The following GBF1 variants were observed in gnomAD, a reference collection of about 807,000 sequenced individuals.
GBF1 encodes golgi brefeldin A resistant guanine nucleotide exchange factor 1.
In GBF1, 114 loss-of-function variants were observed where a neutral mutation model predicts 210.5. That is an observed-to-expected ratio of 0.54 (90% CI 0.47 to 0.63). The LOEUF is 0.63. Among genes scored for constraint, GBF1 ranks in the 30% least tolerant of loss-of-function variants. GBF1 has a pLI of 0.00. For synonymous variants in GBF1, 850 were observed against 889.2 expected, an observed-to-expected ratio of 0.96 and a Z score of 0.78; for missense variants, 1,851 against 2,357.7, an observed-to-expected ratio of 0.79 and a Z score of 4.45.
intron 3 of GBF1, among the ~76,000 whole-genome samples, chr10:102,302,038 A>C (rs190041783): frequency 6.6e-6 from 1 of 152,214 alleles, no homozygotes; most frequent in East Asian, 1.9e-4. Flanking sequence ...CGAGGCTGGC[A>C]GATCACTCGC....
intron 29 of GBF1, among the ~76,000 whole-genome samples, chr10:102,374,788 C>T (rs974713128): frequency 2.0e-5 from 3 of 151,974 alleles, no homozygotes; most frequent in African/African-American, 7.3e-5. Context: ...ATAATGTTAC[C>T]ATTGGGATAA....
intron 12 of GBF1, 42 bp from the exon 13 acceptor site, chr10:102,360,974 CAAAAAA>C: frequency 1.2e-5 from 8 of 694,964 alleles, no homozygotes; most frequent in South Asian, 1.6e-5. Context: ...AACTCCGCCT[CAAAAAA>C]AAAAAAAAAA....
intron 3 of GBF1, among the ~76,000 whole-genome samples, chr10:102,321,692 C>T (rs1201513445): frequency 6.6e-6 from 1 of 152,144 alleles, no homozygotes; most frequent in Non-Finnish European, 1.5e-5. Context: ...GTCTCAGCCT[C>T]CCGAGTAGCT....
intron 3 of GBF1, among the ~76,000 whole-genome samples, chr10:102,333,458 C>G (rs2057481965): frequency 6.6e-6 from 1 of 151,872 alleles, no homozygotes; most frequent in Non-Finnish European, 1.5e-5. Context: ...TTCTTTGGAC[C>G]ACTACCCCTC....
chr10:102,353,944 A>G (rs545773189), intron 8 of GBF1, among the ~76,000 whole-genome samples: 2 of 152,294 alleles, frequency 1.3e-5, no homozygotes, highest in Admixed American at 6.5e-5. Context: ...TCTGTTGACA[A>G]AGATGAAAGT....
At chr10:102,282,904 A>G (rs905916333) in intron 3 of GBF1, among the ~76,000 whole-genome samples, 5 of 152,264 alleles carry the variant, frequency 3.3e-5, no homozygotes, top group African/African-American at 7.2e-5. Flanking sequence ...TAAAAATTCA[A>G]TAAGACATGG....
chr10:102,316,529 A>C (rs1242221408), intron 3 of GBF1, among the ~76,000 whole-genome samples: 2 of 152,160 alleles, frequency 1.3e-5, no homozygotes, highest in Non-Finnish European at 2.9e-5. Flanking sequence ...GTGTCTTTTT[A>C]ACAAGCATTA....
At position 102,367,461 on chromosome 10, in the gene GBF1, T is replaced by TA. The variant is rs1464335063; in HGVS notation, c.2560-16dup. 1 of 1,558,554 alleles carries TA rather than the reference T, an allele frequency of 6.4e-7. No individual in the cohort carries two copies. On this transcript the variant is annotated splice_polypyrimidine_tract_variant and intron_variant, in intron 20 of 39. Coordinates refer to ENST00000369983, the MANE Select transcript of GBF1 (RefSeq NM_001377137.1). ...AGTGTTGACACAAGGGGAAAAAACTTACTGGCCTGTCTCTAGGAGTTTCGC... is the reference window on the plus strand; with the variant it reads ...AGTGTTGACACAAGGGGAAAAAACTTAACTGGCCTGTCTCTAGGAGTTTCGC...
chr10:102,245,763 A>G lies in GBF1; in HGVS notation c.-29A>G, dbSNP rs1211068037. ...GCCGGTCCTGGGACTAGGCCCCGCC[A>G]TTTTGGATCCGCTGACAGGTCAGCG... On this transcript the variant is annotated 5_prime_UTR_variant, in exon 1 of 40. Coordinates refer to ENST00000369983, the MANE Select transcript of GBF1 (RefSeq NM_001377137.1). 1 of 152,130 alleles carries G rather than the reference A, an allele frequency of 6.6e-6. No homozygotes were observed. The highest frequency in any genetic ancestry group is 1.5e-5 in the Non-Finnish European group (1 of 68,028). The allele number at this position is 152,130 out of a possible 1,614,324, so 9.4% of individuals were successfully genotyped here. A position where few individuals can be genotyped will look rare whatever the true frequency, so the allele number is the denominator to read the frequency against.
intron 18 of GBF1, 58 bp downstream of exon 18, chr10:102,365,657 TC>T: frequency 6.9e-7 from 1 of 1,442,240 alleles, no homozygotes; most frequent in Non-Finnish European, 9.8e-7. Flanking sequence ...ATGCCTGTAA[TC>T]CTGACACTTT....
At chr10:102,354,257 C>T (rs548649277) in intron 8 of GBF1, among the ~76,000 whole-genome samples, 5 of 152,292 alleles carry the variant, frequency 3.3e-5, no homozygotes, top group East Asian at 3.9e-4. Flanking sequence ...GTGATGCATG[C>T]ACCTGACCTT....
chr10:102,240,884 C>T (rs767728188), upstream of GBF1, among the ~76,000 whole-genome samples: 40 of 152,338 alleles, frequency 2.6e-4, no homozygotes, highest in Non-Finnish European at 4.7e-4. Context: ...GCTCCCAGCC[C>T]CAGGAGTCTG....
Position 102,327,666 on chromosome 10 carries a change from A to G in GBF1, c.164-16385A>G, listed in dbSNP as rs147262757. Among the ~76,000 whole-genome samples, 101 of 152,318 alleles carry G rather than the reference A, an allele frequency of 6.6e-4. 2 individuals carry two copies. The highest frequency in any genetic ancestry group is 1.8e-4 in the Non-Finnish European group (12 of 68,024). ...AATGCCATGTAATGGAATACCCATT[A>G]TTTGTAAGTTGATTGAGCATAAAGT... On this transcript the variant is annotated intron_variant, in intron 3 of 39. Transcript: ENST00000369983.
intron 3 of GBF1, among the ~76,000 whole-genome samples, chr10:102,338,516 T>G (rs976825259): frequency 1.3e-5 from 2 of 151,930 alleles, no homozygotes; most frequent in African/African-American, 4.8e-5. Context: ...AGTGCTGGGA[T>G]TAGAGGTGTG....
intron 3 of GBF1, among the ~76,000 whole-genome samples, chr10:102,277,753 T>C (rs1285555537): frequency 6.6e-6 from 1 of 152,242 alleles, no homozygotes; most frequent in African/African-American, 2.4e-5. Context: ...CTAATTTAAG[T>C]ATAGTTATCA....
chr10:102,309,564 A>G (rs2078227090), intron 3 of GBF1, among the ~76,000 whole-genome samples: 1 of 152,120 alleles, frequency 6.6e-6, no homozygotes, highest in African/African-American at 2.4e-5. Flanking sequence ...GCTTTGCTTC[A>G]CTGTTCTCAT....
intron 1 of GBF1, among the ~76,000 whole-genome samples, chr10:102,247,419 C>T (rs1163821644): frequency 6.6e-6 from 1 of 152,142 alleles, no homozygotes; most frequent in African/African-American, 2.4e-5. Context: ...TCCCCGCCCC[C>T]AAGAAAGTAG....
chr10:102,331,851 ATTTT>A (rs869198412), intron 3 of GBF1, among the ~76,000 whole-genome samples: 2 of 85,320 alleles, frequency 2.3e-5, no homozygotes, highest in Non-Finnish European at 4.3e-5. Flanking sequence ...TACCTGGCTA[ATTTT>A]TTTTTTTTTT....
chr10:102,380,062 A>C, intron 36 of GBF1, 108 bp downstream of exon 36: 1 of 790,046 alleles, frequency 1.3e-6, no homozygotes, highest in Non-Finnish European at 2.2e-6. Flanking sequence ...GGTGCTCACA[A>C]CCCCCCAGCT....
Sources: allele counts gnomAD v4.1 joint callset (sites outside exome capture counted in the v4.1 genomes callset), GRCh38; gene constraint gnomAD v4.1.1; transcripts MANE v1.5; gene names NCBI Gene and HGNC (gene_info 2026-07-23, HGNC 2026-07-21).